Variants in ABCC9 observed in about 807,000 individuals in gnomAD.
ABCC9 encodes ATP-binding cassette sub-family C member 9.
In ABCC9, 95 loss-of-function variants were observed where a neutral mutation model predicts 188.3. That is an observed-to-expected ratio of 0.50 (90% CI 0.43 to 0.60). The LOEUF (loss-of-function observed/expected upper bound fraction) is 0.60. ABCC9 is among the 20% of genes least tolerant of loss of function. The probability of loss-of-function intolerance (pLI) is 0.00; values close to 1 mark genes in which losing one functional copy is unlikely to be tolerated. For synonymous variants in ABCC9, 659 were observed against 652.7 expected, an observed-to-expected ratio of 1.01 and a Z score of -0.15; for missense variants, 1,102 against 1,876.3, an observed-to-expected ratio of 0.59 and a Z score of 7.62.
intron 35 of ABCC9, among the ~76,000 whole-genome samples, chr12:21,813,388 G>T (rs923403856): frequency 1.2e-4 from 18 of 152,122 alleles, no homozygotes; most frequent in Non-Finnish European, 1.8e-4. Flanking sequence ...CCTTTTACCA[G>T]ATAGATTTAG....
At chr12:21,894,802 T>A (rs2137744001) in intron 13 of ABCC9, among the ~76,000 whole-genome samples, 1 of 152,280 alleles carries the variant, frequency 6.6e-6, no homozygotes, top group East Asian at 1.9e-4. Context: ...ATAATACCAG[T>A]TGCCGATTTT....
At chr12:21,896,595 G>A (rs529475014) in intron 12 of ABCC9, among the ~76,000 whole-genome samples, 1 of 152,234 alleles carries the variant, frequency 6.6e-6, no homozygotes, top group African/African-American at 2.4e-5. Flanking sequence ...CCCAGTGTGT[G>A]TTGTTCTCCT....
intron 33 of ABCC9, among the ~76,000 whole-genome samples, chr12:21,816,302 A>T (rs1250622122): frequency 6.6e-6 from 1 of 151,990 alleles, no homozygotes; most frequent in Non-Finnish European, 1.5e-5. Flanking sequence ...GGTGCTGTAC[A>T]AGGTGCTGGG....
chr12:21,831,698 A>T lies in ABCC9; in HGVS notation c.3567-2638T>A, dbSNP rs377200725. 3.9e-5 allele frequency among the ~76,000 whole-genome samples: 6 copies of T among 152,328 alleles called. No homozygotes were observed. In the East Asian group the frequency reaches 5.8e-4, roughly 15 times the overall value. Reference sequence around the variant, plus strand: ...GTGAGGTTTTTAAAGGATAAGCAGAATGTTTTTGGTGAACAAGGCATTCTA... The same window carrying T: ...GTGAGGTTTTTAAAGGATAAGCAGATTGTTTTTGGTGAACAAGGCATTCTA... On this transcript the variant is annotated intron_variant, in intron 30 of 39. Coordinates refer to ENST00000261200, the MANE Select transcript of ABCC9 (RefSeq NM_020297.4).
At chr12:21,844,589 A>T in intron 27 of ABCC9, 37 bp from the exon 28 acceptor site, 1 of 1,598,418 alleles carries the variant, frequency 6.3e-7, no homozygotes, top group East Asian at 2.2e-5. Context: ...TGATAATACT[A>T]AACTATTTGG....
chr12:21,887,938 CA>C lies in ABCC9; in HGVS notation c.1803-5del. ...AAACTCATTCAGCTTTTGAACACTG[CA>C]AAAAACAATAAACACAGAATAAGAG... On this transcript the variant is annotated splice_region_variant and splice_polypyrimidine_tract_variant and intron_variant, in intron 14 of 39. Coordinates refer to ENST00000261200, the MANE Select transcript of ABCC9 (RefSeq NM_020297.4). 1.2e-6 allele frequency: 2 copies of C among 1,603,520 alleles called. No homozygotes were observed. The highest frequency in any genetic ancestry group is 1.7e-6 in the Non-Finnish European group (2 of 1,170,640).
intron 5 of ABCC9, among the ~76,000 whole-genome samples, chr12:21,922,753 T>TC (rs1013023686): frequency 2.1e-5 from 3 of 144,446 alleles, no homozygotes; most frequent in Non-Finnish European, 4.6e-5. Context: ...TTTTTTTTCT[T>TC]TTTTTTTTTT....
chr12:21,931,604 G>C (rs967535407), intron 4 of ABCC9, among the ~76,000 whole-genome samples: 3 of 152,096 alleles, frequency 2.0e-5, no homozygotes, highest in Non-Finnish European at 4.4e-5. Flanking sequence ...TTCAATCTGT[G>C]TTTTGTGAGG....
chr12:21,879,775 A>G (rs568423588), intron 16 of ABCC9, among the ~76,000 whole-genome samples: 2 of 151,328 alleles, frequency 1.3e-5, no homozygotes, highest in Admixed American at 1.3e-4. Flanking sequence ...AAATATAAGG[A>G]AAAAATACAA....
chr12:21,839,733 C>A (rs1283172826), intron 29 of ABCC9, among the ~76,000 whole-genome samples: 1 of 152,104 alleles, frequency 6.6e-6, no homozygotes, highest in Admixed American at 6.5e-5. Context: ...GTCAACTGAA[C>A]GGATGAACAT....
intron 11 of ABCC9, among the ~76,000 whole-genome samples, chr12:21,906,660 C>T (rs944296365): frequency 2.0e-5 from 3 of 152,064 alleles, no homozygotes; most frequent in African/African-American, 7.2e-5. Flanking sequence ...AACTTAATTT[C>T]TTCTGCAGTC....
intron 22 of ABCC9, 54 bp downstream of exon 22, chr12:21,859,532 A>C (rs1215095156): frequency 6.4e-7 from 1 of 1,554,644 alleles, no homozygotes; most frequent in Admixed American, 1.7e-5. Flanking sequence ...TTAAAGACTC[A>C]TTTGTCCAGA....
intron 39 of ABCC9, among the ~76,000 whole-genome samples, chr12:21,802,063 GT>G (rs1476469404): frequency 1.3e-5 from 2 of 152,168 alleles, no homozygotes; most frequent in African/African-American, 4.8e-5. Context: ...CCATGTCAGT[GT>G]TATGGTTAAG....
Position 21,800,719 on chromosome 12 carries a change from A to G in ABCC9, c.*325T>C, listed in dbSNP as rs565439540. 1.6e-4 allele frequency: 55 copies of G among 346,418 alleles called. No homozygotes were observed. The highest frequency in any genetic ancestry group is 1.1e-3 in the African/African-American group (50 of 47,464). The allele number at this position is 346,418 out of a possible 1,614,324, so 21.5% of individuals were successfully genotyped here. On this transcript the variant is annotated 3_prime_UTR_variant, in exon 40 of 40. Coordinates refer to ENST00000261200, the MANE Select transcript of ABCC9 (RefSeq NM_020297.4). ...ATACTGACTACTCATTGACACTTCCATTCCTGAGAGATATTTACCAGACTT... is the reference window on the plus strand; with the variant it reads ...ATACTGACTACTCATTGACACTTCCGTTCCTGAGAGATATTTACCAGACTT...
intron 31 of ABCC9, chr12:21,828,634 C>T (rs1414486032): frequency 2.7e-6 from 1 of 365,770 alleles, no homozygotes; most frequent in Middle Eastern, 9.6e-4. Context: ...GAAATGAGTA[C>T]ATCTGTTCAC....
At chr12:21,817,509 CAT>C (rs1383462373) in intron 32 of ABCC9, among the ~76,000 whole-genome samples, 1 of 152,110 alleles carries the variant, frequency 6.6e-6, no homozygotes, top group African/African-American at 2.4e-5. Context: ...TTCAAGGGTC[CAT>C]AACTGTCACT....
At chr12:21,900,288 C>T (rs1164744871) in intron 12 of ABCC9, among the ~76,000 whole-genome samples, 2 of 152,110 alleles carry the variant, frequency 1.3e-5, no homozygotes, top group Admixed American at 1.3e-4. Context: ...GAAAGGACAT[C>T]CACACCAAAA....
intron 34 of ABCC9, among the ~76,000 whole-genome samples, chr12:21,814,936 A>C (rs922373475): frequency 6.6e-6 from 1 of 152,108 alleles, no homozygotes; most frequent in Non-Finnish European, 1.5e-5. Context: ...TAAACCCAAC[A>C]CTTTGGGAGG....
chr12:21,923,844 T>A (rs1948938592), intron 5 of ABCC9: 1 of 700,426 alleles, frequency 1.4e-6, no homozygotes, highest in African/African-American at 1.7e-5. Context: ...TTTACTCTCA[T>A]GATGGCTAAA....
Sources: gnomAD v4.1 joint callset for allele counts (sites outside exome capture counted in the v4.1 genomes callset) on GRCh38, gnomAD v4.1.1 for gene constraint, MANE v1.5 for transcripts, NCBI Gene and HGNC (gene_info 2026-07-23, HGNC 2026-07-21) for gene names.